The following CYP2E1 variants were observed in gnomAD, a reference collection of about 807,000 sequenced individuals.
CYP2E1 encodes cytochrome P450 2E1.
A neutral mutation model predicts 42.9 loss-of-function variants in CYP2E1; 31 were observed. The observed-to-expected ratio is 0.72, with a 90% confidence interval of 0.54 to 0.98. CYP2E1 has a LOEUF of 0.98. CYP2E1 is among the 50% of genes least tolerant of loss of function. The probability of loss-of-function intolerance (pLI) is 0.00; values close to 1 mark genes in which losing one functional copy is unlikely to be tolerated. For missense variants in CYP2E1, 565 were observed against 633.2 expected (o/e 0.89, Z 1.16); for synonymous variants, 244 against 248.9 (o/e 0.98, Z 0.19).
At position 133,537,813 on chromosome 10, in the gene CYP2E1, A is replaced by G. The variant is rs953147346; in HGVS notation, c.1218A>G (p.Pro406=). 2 of 1,613,794 alleles carry G rather than the reference A, an allele frequency of 1.2e-6. No individual in the cohort carries two copies. The highest frequency in any genetic ancestry group is 1.7e-6 in the Non-Finnish European group (2 of 1,179,844). Reference sequence around the variant, plus strand: ...ATGACAACCAAGAATTTCCTGATCCAGAAAAGTTTAAGCCAGAACACTTCC... The same window carrying G: ...ATGACAACCAAGAATTTCCTGATCCGGAAAAGTTTAAGCCAGAACACTTCC... ...VLYDNQEFPD[P]EKFKPEHFLN... The change falls in exon 8 of 9, where the codon CCA becomes CCG. Residue 406 remains proline (P), a synonymous_variant. Coordinates refer to ENST00000252945, the MANE Select transcript of CYP2E1 (RefSeq NM_000773.4).
rs1851442946 is a variant in CYP2E1, at chr10:133,538,931, A to G, written c.1449A>G (p.Pro483=). The G allele has an allele frequency of 6.2e-7, 1 of 1,613,606 alleles. No homozygotes were observed. Among genetic ancestry groups the G allele is most frequent in the Non-Finnish European group, 8.5e-7 (1 of 1,179,816 alleles). The change falls in exon 9 of 9, where the codon CCA becomes CCG. Residue 483 remains proline (P), a synonymous_variant. Coordinates refer to ENST00000252945, the MANE Select transcript of CYP2E1 (RefSeq NM_000773.4). ...ATATTGGGTTTGGCTGTATCCCACC[A>G]CGTTACAAACTCTGTGTCATTCCCC... ...PIHIGFGCIP[P]RYKLCVIPRS
At chr10:133,532,997 A>G in intron 5 of CYP2E1, 129 bp downstream of exon 5, 1 of 880,860 alleles carries the variant, frequency 1.1e-6, no homozygotes, top group Non-Finnish European at 1.7e-6. Flanking sequence ...AGTTTCATAC[A>G]CACACTCTTG....
intron 8 of CYP2E1, 54 bp downstream of exon 8, chr10:133,537,946 T>A (rs1338689409): frequency 1.3e-6 from 2 of 1,562,906 alleles, no homozygotes; most frequent in Middle Eastern, 1.7e-4. Context: ...ACACTCCTCA[T>A]CTCCCCTCCA....
Position 133,527,492 on chromosome 10 carries a change from C to T in CYP2E1, c.97C>T (p.Pro33Ser), listed in dbSNP as rs1260858117. The T allele has an allele frequency of 1.2e-6, 2 of 1,613,648 alleles. No individual in the cohort carries two copies. Among genetic ancestry groups the T allele is most frequent in the Non-Finnish European group, 1.7e-6 (2 of 1,179,954 alleles). ...GCAGGTGCACAGCAGCTGGAATCTG[C>T]CCCCAGGCCCTTTCCCGCTTCCCAT... ...WRQVHSSWNL[P>S]PGPFPLPIIG... is the part of the protein sequence containing the mutation. Residue 33 changes from proline to serine, a missense_variant, in exon 1 of 9, where the codon CCC becomes TCC. By Grantham distance (74) the Pro-to-Ser change is moderately conservative. Transcript: ENST00000252945.
chr10:133,533,681 G>A (rs1171975426), intron 5 of CYP2E1, 75 bp from the exon 6 acceptor site: 2 of 1,530,712 alleles, frequency 1.3e-6, no homozygotes, highest in Non-Finnish European at 1.8e-6. Context: ...TCCCTGTGGA[G>A]CTGGGAGGTG....
intron 2 of CYP2E1, among the ~76,000 whole-genome samples, chr10:133,530,339 A>G (rs1851321474): frequency 6.6e-6 from 1 of 152,010 alleles, no homozygotes; most frequent in South Asian, 2.1e-4. Flanking sequence ...AACCTGTTGA[A>G]CTCTGTCTAA....
Position 133,538,982 on chromosome 10 carries a change from T to C in CYP2E1, c.*18T>C. The C allele has an allele frequency of 6.4e-7, 1 of 1,553,320 alleles. No homozygotes were observed. The highest frequency in any genetic ancestry group is 8.7e-7 in the Non-Finnish European group (1 of 1,148,782). ...GCTCATGAGTGTGTGGAGGACACCCTGAACCCCCCGCTTTCAAACAAGTTT... is the reference window on the plus strand; with the variant it reads ...GCTCATGAGTGTGTGGAGGACACCCCGAACCCCCCGCTTTCAAACAAGTTT... On this transcript the variant is annotated 3_prime_UTR_variant, in exon 9 of 9. Coordinates refer to ENST00000252945, the MANE Select transcript of CYP2E1 (RefSeq NM_000773.4).
chr10:133,534,008 T>G, intron 6 of CYP2E1, 111 bp downstream of exon 6: 1 of 1,158,840 alleles, frequency 8.6e-7, no homozygotes, highest in Non-Finnish European at 1.2e-6. Flanking sequence ...TTAACCCTCA[T>G]GGTGATGTGG....
intron 2 of CYP2E1, among the ~76,000 whole-genome samples, chr10:133,531,366 A>T (rs1257688821): frequency 6.6e-6 from 1 of 152,144 alleles, no homozygotes; most frequent in East Asian, 1.9e-4. Flanking sequence ...CACAGTGCAG[A>T]CTGTGAGGAC....
chr10:133,535,828 C>T lies in CYP2E1; in HGVS notation c.968-1235C>T, dbSNP rs41299430. 8.8e-3 allele frequency among the ~76,000 whole-genome samples: 1,337 copies of T among 152,332 alleles called. 20 individuals are homozygous for T. Among genetic ancestry groups the T allele is most frequent in the African/African-American group, 0.028 (1,177 of 41,564 alleles). On this transcript the variant is annotated intron_variant, in intron 6 of 8. Transcript: ENST00000252945. ...AAATGGCTTCAGAATTGCTGTGTGGCTTTGCACTTTTAACAGTTGTTAATT... is the reference window on the plus strand; with the variant it reads ...AAATGGCTTCAGAATTGCTGTGTGGTTTTGCACTTTTAACAGTTGTTAATT...
At position 133,532,115 on chromosome 10, in the gene CYP2E1, G is replaced by A; in HGVS notation, c.488-9G>A. The stretch of plus-strand genomic sequence containing the variant: ...CATCTTCTGGTTGCCCTGACTGCCT[G>A]TTTTGTAGGCCAGCCTTTCGACCCC... On this transcript the variant is annotated splice_polypyrimidine_tract_variant and intron_variant, in intron 3 of 8. Transcript: ENST00000252945. The A allele has an allele frequency of 6.2e-7, 1 of 1,611,538 alleles. No individual in the cohort carries two copies.
chr10:133,534,105 C>A (rs1222202700), intron 6 of CYP2E1, among the ~76,000 whole-genome samples: 6 of 152,108 alleles, frequency 3.9e-5, no homozygotes, highest in Non-Finnish European at 5.9e-5. Context: ...TGGTCCATAC[C>A]CCACTAAGAC....
chr10:133,532,116 T>C lies in CYP2E1; in HGVS notation c.488-8T>C. 3.7e-6 allele frequency: 6 copies of C among 1,611,296 alleles called. No homozygotes were observed. The highest frequency in any genetic ancestry group is 5.1e-6 in the Non-Finnish European group (6 of 1,178,172). Reference sequence around the variant, plus strand: ...ATCTTCTGGTTGCCCTGACTGCCTGTTTTGTAGGCCAGCCTTTCGACCCCA... The same window carrying C: ...ATCTTCTGGTTGCCCTGACTGCCTGCTTTGTAGGCCAGCCTTTCGACCCCA... On this transcript the variant is annotated splice_region_variant and splice_polypyrimidine_tract_variant and intron_variant, in intron 3 of 8. Transcript: ENST00000252945.
chr10:133,529,575 T>C (rs1289838621), intron 2 of CYP2E1, among the ~76,000 whole-genome samples: 5 of 152,268 alleles, frequency 3.3e-5, no homozygotes, highest in African/African-American at 4.8e-5. Flanking sequence ...TCTTGCCCTA[T>C]TTATTTGTCC....
chr10:133,538,502 G>A (rs951799293), intron 8 of CYP2E1, among the ~76,000 whole-genome samples: 4 of 152,140 alleles, frequency 2.6e-5, no homozygotes, highest in African/African-American at 9.7e-5. Flanking sequence ...TCTTTACTGG[G>A]CAGACACGGT....
At chr10:133,527,593 T>C in intron 1 of CYP2E1, 21 bp downstream of exon 1, 1 of 1,582,166 alleles carries the variant, frequency 6.3e-7, no homozygotes, top group East Asian at 2.3e-5. Flanking sequence ...TAGTGTTGAT[T>C]TTAGGGAGAA....
intron 6 of CYP2E1, among the ~76,000 whole-genome samples, chr10:133,536,537 A>T (rs61868333): frequency 7.4e-5 from 2 of 27,090 alleles, no homozygotes; most frequent in Admixed American, 1.4e-3. Flanking sequence ...GGATGTATAG[A>T]TGGGTGGATG....
chr10:133,537,387 C>T, intron 7 of CYP2E1, 137 bp downstream of exon 7: 1 of 833,556 alleles, frequency 1.2e-6, no homozygotes, highest in Non-Finnish European at 1.9e-6. Context: ...GGCCCCACTC[C>T]CACCCTGTGG....
intron 2 of CYP2E1, among the ~76,000 whole-genome samples, chr10:133,530,538 A>T (rs1851323588): frequency 6.6e-6 from 1 of 152,208 alleles, no homozygotes; most frequent in African/African-American, 2.4e-5. Flanking sequence ...TTGCTTCTGG[A>T]ACACACGAGC....
Sources: gnomAD v4.1 joint callset for allele counts (sites outside exome capture counted in the v4.1 genomes callset) on GRCh38, gnomAD v4.1.1 for gene constraint, MANE v1.5 for transcripts, NCBI Gene and HGNC (gene_info 2026-07-23, HGNC 2026-07-21) for gene names.